The following IL4I1 variants were observed in gnomAD, a reference collection of about 807,000 sequenced individuals.
IL4I1 encodes the protein interleukin 4 induced 1, also known as L-amino-acid oxidase.
IL4I1 carries 24 observed loss-of-function variants against 29.7 expected under a neutral mutation model. The ratio of observed to expected loss-of-function variants is 0.81; its 90% CI spans 0.59 to 1.14. IL4I1 has a LOEUF of 1.14. Among genes scored for constraint, IL4I1 ranks in the 50% most tolerant of loss-of-function variants. The pLI is 0.00. For synonymous variants in IL4I1, 371 were observed against 352.5 expected (o/e 1.05, Z -0.59); for missense variants, 686 against 785.6 (o/e 0.87, Z 1.52).
chr19:49,898,829 G>A (rs145953465), upstream of IL4I1, among the ~76,000 whole-genome samples: 476 of 152,194 alleles, frequency 3.1e-3, 1 homozygote, highest in African/African-American at 0.011. Flanking sequence ...AGATTGCACC[G>A]CTGCACTCCA....
At chr19:49,916,199 G>A (rs914609270) in intron 2 of IL4I1, among the ~76,000 whole-genome samples, 2 of 152,176 alleles carry the variant, frequency 1.3e-5, no homozygotes, top group Non-Finnish European at 2.9e-5. Context: ...TGCCTGGGAC[G>A]GGAGAGTTTC....
intron 7 of IL4I1, 134 bp from the exon 8 acceptor site, chr19:49,890,734 C>G (rs1435829918): frequency 6.7e-6 from 6 of 893,276 alleles, no homozygotes; most frequent in Non-Finnish European, 9.9e-6. Flanking sequence ...CTCTCCCGAC[C>G]CCGCCCGTCC....
At chr19:49,890,747 G>A (rs1189969145) in intron 7 of IL4I1, 147 bp from the exon 8 acceptor site, 9 of 828,644 alleles carry the variant, frequency 1.1e-5, no homozygotes, top group East Asian at 8.4e-5. Context: ...GCCCGTCCCT[G>A]ACATCCCAAA....
chr19:49,924,174 G>A (rs2075829258), intron 2 of IL4I1, among the ~76,000 whole-genome samples: 1 of 152,196 alleles, frequency 6.6e-6, no homozygotes, highest in African/African-American at 2.4e-5. Flanking sequence ...AAGCTGTGCA[G>A]CATGGTGGAG....
Position 49,890,608 on chromosome 19 carries a change from C to T in IL4I1, c.774-8G>A. Reference sequence around the variant, plus strand: ...CCCACGATGCGGCTGTACCTGCAGGCGGGGCGGGGCGGGGTGGGGGCGTGA... The same window carrying T: ...CCCACGATGCGGCTGTACCTGCAGGTGGGGCGGGGCGGGGTGGGGGCGTGA... On this transcript the variant is annotated splice_polypyrimidine_tract_variant and splice_region_variant and intron_variant, in intron 7 of 7. Coordinates refer to ENST00000391826, the MANE Select transcript of IL4I1 (RefSeq NM_152899.2). 8.1e-7 allele frequency: 1 copy of T among 1,237,986 alleles called. No homozygotes were observed. The highest frequency in any genetic ancestry group is 1.4e-5 in the South Asian group (1 of 73,178). 76.7% of individuals were successfully genotyped at this position (1,237,986 alleles called of 1,614,324 possible).
At chr19:49,898,627 G>A (rs2075241749), upstream of IL4I1, among the ~76,000 whole-genome samples, 1 of 152,188 alleles carries the variant, frequency 6.6e-6, no homozygotes, top group African/African-American at 2.4e-5. Flanking sequence ...CAGCACTTTG[G>A]GAGGCTGAGG....
In IL4I1 at chr19:49,889,717, C is replaced by G. The variant is rs1352359680; in HGVS notation, c.1657G>C (p.Gly553Arg). The G allele has an allele frequency of 3.3e-6, 5 of 1,513,478 alleles. No homozygotes were observed. The highest frequency in any genetic ancestry group is 4.4e-6 in the Non-Finnish European group (5 of 1,130,826). The allele number at this position is 1,513,478 out of a possible 1,614,324, so 93.8% of individuals were successfully genotyped here. Residue 553 changes from glycine (G) to arginine (R), a missense_variant, in exon 8 of 8, where the codon GGC (glycine) becomes CGC (arginine). By Grantham distance (125) the Gly-to-Arg change is moderately radical (BLOSUM62 -2). Transcript: ENST00000391826. ...GTCGTGTTTTGGAGAGATAACTGGC[C>G]TTGGACTGGAGGGTGGCTGCCTTCT... ...KEEGSHPPVQ[G>R]QLSLQNTTHT...
At chr19:49,900,754 T>A (rs1233917931), upstream of IL4I1, among the ~76,000 whole-genome samples, 1 of 152,194 alleles carries the variant, frequency 6.6e-6, no homozygotes, top group East Asian at 1.9e-4. Flanking sequence ...CAGTCAAGTA[T>A]CTGTTGACTT....
upstream of IL4I1, among the ~76,000 whole-genome samples, chr19:49,898,847 G>A (rs1025357419): frequency 1.3e-5 from 2 of 152,014 alleles, no homozygotes; most frequent in Middle Eastern, 3.2e-3. Context: ...CCAGCCTGGG[G>A]GACAGAGTGA....
At chr19:49,898,642 C>T (rs569105103), upstream of IL4I1, among the ~76,000 whole-genome samples, 3 of 152,132 alleles carry the variant, frequency 2.0e-5, no homozygotes, top group South Asian at 2.1e-4. Context: ...CTGAGGTGGG[C>T]GGATCACTTG....
Position 49,894,251 on chromosome 19 carries a change from G to A in IL4I1, c.567+17C>T, listed in dbSNP as rs753529704. The A allele has an allele frequency of 3.1e-6, 5 of 1,608,288 alleles. No homozygotes were observed. Among genetic ancestry groups the A allele is most frequent in the Non-Finnish European group, 4.2e-6 (5 of 1,176,850 alleles). ...ACAGAGAAGTCAGGGCGGGAGGAGGGTGCAGGCGGTACCCACCTGGTTGAG... is the reference window on the plus strand; with the variant it reads ...ACAGAGAAGTCAGGGCGGGAGGAGGATGCAGGCGGTACCCACCTGGTTGAG... On this transcript the variant is annotated intron_variant, in intron 5 of 7. Coordinates refer to ENST00000391826, the MANE Select transcript of IL4I1 (RefSeq NM_152899.2).
chr19:49,928,788 T>C (rs2075979005), intron 1 of IL4I1: 1 of 152,242 alleles, frequency 6.6e-6, no homozygotes, highest in South Asian at 2.1e-4. Context: ...AAGTGAAAAG[T>C]GACTGGCAGG....
intron 2 of IL4I1, among the ~76,000 whole-genome samples, chr19:49,915,289 G>A (rs75881043): frequency 2.6e-5 from 4 of 152,282 alleles, no homozygotes; most frequent in East Asian, 1.9e-4. Context: ...GCTTATCCAC[G>A]TGAGCCCCAG....
At chr19:49,906,049 ATC>A (rs2075318368) in intron 2 of IL4I1, among the ~76,000 whole-genome samples, 1 of 152,018 alleles carries the variant, frequency 6.6e-6, no homozygotes, top group Non-Finnish European at 1.5e-5. Flanking sequence ...AGCCCAGGAG[ATC>A]TGAGTGCTTA....
intron 1 of IL4I1, among the ~76,000 whole-genome samples, 199 bp from the exon 2 acceptor site, chr19:49,896,381 C>T (rs542343184): frequency 6.6e-6 from 1 of 152,244 alleles, no homozygotes; most frequent in African/African-American, 2.4e-5. Context: ...CGGTCTCCAC[C>T]TCTGCCACAG....
chr19:49,913,230 G>A (rs1291425070), intron 2 of IL4I1: 1 of 152,376 alleles, frequency 6.6e-6, no homozygotes, highest in Non-Finnish European at 1.5e-5. Flanking sequence ...GCTTCTGAAG[G>A]GAGATGTTTA....
intron 2 of IL4I1, among the ~76,000 whole-genome samples, chr19:49,925,776 T>C (rs1390844951): frequency 1.3e-5 from 2 of 152,216 alleles, no homozygotes; most frequent in Non-Finnish European, 2.9e-5. Flanking sequence ...GATGTTGCCT[T>C]GGTTGTGACA....
At chr19:49,911,117 GTCT>G (rs1482116049) in intron 2 of IL4I1, 1 of 152,196 alleles carries the variant, frequency 6.6e-6, no homozygotes, top group African/African-American at 2.4e-5. Context: ...TGTTGCCCTG[GTCT>G]TCAACTCCTG....
At chr19:49,912,570 CAGTTT>C (rs2122636396) in intron 2 of IL4I1, among the ~76,000 whole-genome samples, 1 of 152,204 alleles carries the variant, frequency 6.6e-6, no homozygotes, top group South Asian at 2.1e-4. Context: ...CTGATCCACG[CAGTTT>C]AGATATGGCC....
Sources: allele counts gnomAD v4.1 joint callset (sites outside exome capture counted in the v4.1 genomes callset), GRCh38; gene constraint gnomAD v4.1.1; transcripts MANE v1.5; gene names NCBI Gene and HGNC (gene_info 2026-07-23, HGNC 2026-07-21).